SRSF7: variants seen among roughly 807,000 people sequenced by gnomAD.
SRSF7 encodes serine and arginine rich splicing factor 7.
Under a neutral mutation model 42.2 loss-of-function variants are expected in SRSF7, and 15 were observed. That is an observed-to-expected ratio of 0.36 (90% CI 0.24 to 0.55). The LOEUF (loss-of-function observed/expected upper bound fraction) is 0.55, where lower values mean the gene tolerates loss of function less well. SRSF7 is among the 20% of genes least tolerant of loss of function. The probability of loss-of-function intolerance (pLI) is 0.88; values close to 1 mark genes in which losing one functional copy is unlikely to be tolerated. For missense variants in SRSF7, 181 were observed against 305.9 expected (o/e 0.59, Z 3.04); for synonymous variants, 138 against 107.9 (o/e 1.28, Z -1.73).
At chr2:38,749,726 A>C (rs754026471) in intron 2 of SRSF7, 21 bp from the exon 3 acceptor site, 1 of 1,520,518 alleles carries the variant, frequency 6.6e-7, no homozygotes, top group South Asian at 1.3e-5. Context: ...CAAATTAACA[A>C]AATTCTAAAG....
chr2:38,749,377 T>TA, intron 3 of SRSF7, 152 bp downstream of exon 3: 1 of 1,540,108 alleles, frequency 6.5e-7, no homozygotes, highest in Non-Finnish European at 8.7e-7. Context: ...TGATTATTAA[T>TA]ATAGTAACAT....
Position 38,744,660 on chromosome 2 carries a change from G to C in SRSF7, c.*473C>G. The C allele has an allele frequency of 6.3e-6, 1 of 159,736 alleles. No individual in the cohort carries two copies. Among genetic ancestry groups the C allele is most frequent in the African/African-American group, 2.4e-5 (1 of 41,444 alleles). The allele number at this position is 159,736 out of a possible 1,614,324, so 9.9% of individuals were successfully genotyped here. ...TAAGGATCTGTCATGATGCATTCAG[G>C]CTGTATCATAAGGGACTCAGGTCAT... On this transcript the variant is annotated 3_prime_UTR_variant, in exon 8 of 8. Coordinates refer to ENST00000313117, the MANE Select transcript of SRSF7 (RefSeq NM_001031684.3).
At chr2:38,747,213 A>C (rs539780655) in intron 5 of SRSF7, 4 of 391,016 alleles carry the variant, frequency 1.0e-5, no homozygotes, top group South Asian at 7.2e-5. Context: ...GCCGCCCCCC[A>C]TTTGTAAGGC....
At chr2:38,749,505 C>G in intron 3 of SRSF7, 24 bp downstream of exon 3, 1 of 1,553,414 alleles carries the variant, frequency 6.4e-7, no homozygotes, top group Non-Finnish European at 8.7e-7. Flanking sequence ...AGAATACCAA[C>G]CATTCCTTTA....
chr2:38,745,506 T>C (rs1021827379), intron 7 of SRSF7, among the ~76,000 whole-genome samples: 2 of 151,970 alleles, frequency 1.3e-5, no homozygotes, highest in Non-Finnish European at 1.5e-5. Flanking sequence ...ATACAAAAAA[T>C]TAGCCAGGCT....
chr2:38,749,117 G>A, intron 3 of SRSF7: 5 of 1,316,430 alleles, frequency 3.8e-6, no homozygotes, highest in Non-Finnish European at 4.0e-6. Context: ...CCGGAGGGGG[G>A]CCCCAATTGT....
Position 38,751,320 on chromosome 2 carries a change from C to G in SRSF7, c.-64G>C. The G allele has an allele frequency of 5.6e-6, 9 of 1,610,168 alleles. No homozygotes were observed. The highest frequency in any genetic ancestry group is 1.3e-5 in the African/African-American group (1 of 74,858). On this transcript the variant is annotated 5_prime_UTR_variant, in exon 1 of 8. Coordinates refer to ENST00000313117, the MANE Select transcript of SRSF7 (RefSeq NM_001031684.3). ...GCCCAGGGCTCGAGTGACGCAAAAG[C>G]TGACACACACCTTCACCCGCCAAGA...
At chr2:38,751,100 G>C (rs1668280424) in intron 1 of SRSF7, 129 bp downstream of exon 1, 3 of 1,263,436 alleles carry the variant, frequency 2.4e-6, no homozygotes, top group South Asian at 1.2e-5. Flanking sequence ...CTCCGGCTTC[G>C]TCTGGCGTGC....
rs1281153692 is a variant in SRSF7 at position 38,749,487 on chromosome 2, G to C, written c.386+42C>G. The C allele has an allele frequency of 1.9e-6, 3 of 1,544,542 alleles. No individual in the cohort carries two copies. In the Admixed American group the frequency reaches 6.3e-5, roughly 33 times the overall value. On this transcript the variant is annotated intron_variant, in intron 3 of 7. Transcript: ENST00000313117. ...TGCCTTGCTAATAAAAGAATTACTT[G>C]ATTAACTAGAATACCAACCATTCCT...
intron 7 of SRSF7, among the ~76,000 whole-genome samples, chr2:38,745,451 T>C (rs542600408): frequency 6.7e-6 from 1 of 149,776 alleles, no homozygotes; most frequent in African/African-American, 2.4e-5. Flanking sequence ...ATCAGGAGTT[T>C]AAGACCAACC....
intron 1 of SRSF7, chr2:38,750,755 T>C (rs1297632634): frequency 2.5e-5 from 4 of 162,384 alleles, no homozygotes; most frequent in East Asian, 1.8e-4. Flanking sequence ...ATTTAACCGA[T>C]TGTTTGACGA....
intron 5 of SRSF7, chr2:38,747,131 C>G (rs149588456): frequency 3.6e-4 from 171 of 475,738 alleles, no homozygotes; most frequent in African/African-American, 3.0e-3. Flanking sequence ...ACTCAGGAGG[C>G]TAAGGCAGGA....
intron 2 of SRSF7, 124 bp downstream of exon 2, chr2:38,749,890 C>T (rs1052851055): frequency 6.9e-6 from 9 of 1,296,300 alleles, no homozygotes; most frequent in Middle Eastern, 2.6e-4. Flanking sequence ...GTGCCTTTAG[C>T]ATTTAACACT....
At position 38,751,277 on chromosome 2, in the gene SRSF7, G is replaced by A; in HGVS notation, c.-21C>T. 5 of 1,613,990 alleles carry A rather than the reference G, an allele frequency of 3.1e-6. No individual in the cohort carries two copies. The highest frequency in any genetic ancestry group is 1.3e-5 in the African/African-American group (1 of 75,064). ...GACATGATGACAGACCCGCGTGCTC[G>A]GCTCTTTAGCAAGCAGCGCCCAGGG... On this transcript the variant is annotated 5_prime_UTR_variant, in exon 1 of 8. Coordinates refer to ENST00000313117, the MANE Select transcript of SRSF7 (RefSeq NM_001031684.3).
At chr2:38,751,157 G>GCGACAAC (rs1305463229) in intron 1 of SRSF7, 72 bp downstream of exon 1, 73 of 1,597,762 alleles carry the variant, frequency 4.6e-5, no homozygotes, top group Non-Finnish European at 6.2e-5. Context: ...CCCAACCTCC[G>GCGACAAC]CGACAACCCT....
intron 5 of SRSF7, among the ~76,000 whole-genome samples, chr2:38,747,409 G>A (rs546133836): frequency 6.6e-6 from 1 of 152,308 alleles, no homozygotes; most frequent in East Asian, 1.9e-4. Flanking sequence ...ACTCCCAGTA[G>A]CATTCCGTAC....
chr2:38,745,125 T>A lies in SRSF7; in HGVS notation c.*8A>T. ...ATAACTTTTCCCTAAAGGGTGAACT[T>A]GAGAGCTTCAGTCCATTCTTTCAGG... On this transcript the variant is annotated 3_prime_UTR_variant, in exon 8 of 8. Coordinates refer to ENST00000313117, the MANE Select transcript of SRSF7 (RefSeq NM_001031684.3). 1 of 1,614,110 alleles carries A rather than the reference T, an allele frequency of 6.2e-7. No individual in the cohort carries two copies. Among genetic ancestry groups the A allele is most frequent in the Non-Finnish European group, 8.5e-7 (1 of 1,179,954 alleles).
intron 7 of SRSF7, among the ~76,000 whole-genome samples, chr2:38,745,820 T>C (rs145022490): frequency 2.8e-4 from 42 of 152,298 alleles, no homozygotes; most frequent in African/African-American, 8.7e-4. Flanking sequence ...CAGGTAACTA[T>C]TTCCAAGACT....
At chr2:38,748,437 G>A in intron 4 of SRSF7, 142 bp downstream of exon 4, 1 of 814,764 alleles carries the variant, frequency 1.2e-6, no homozygotes, top group East Asian at 2.6e-5. Context: ...AGGCAGCAGT[G>A]AGTCGTGGTT....
Sources: gnomAD v4.1 joint callset for allele counts (sites outside exome capture counted in the v4.1 genomes callset) on GRCh38, gnomAD v4.1.1 for gene constraint, MANE v1.5 for transcripts, NCBI Gene and HGNC (gene_info 2026-07-23, HGNC 2026-07-21) for gene names.